PLEKHA5: variants seen among roughly 807,000 people sequenced by gnomAD.
PLEKHA5 encodes the protein pleckstrin homology domain-containing family A member 5.
In PLEKHA5, 55 loss-of-function variants were observed where a neutral mutation model predicts 181.9. The ratio of observed to expected loss-of-function variants is 0.30; its 90% CI spans 0.24 to 0.38. The LOEUF (loss-of-function observed/expected upper bound fraction) is 0.38. PLEKHA5 is among the 10% of genes least tolerant of loss of function. The pLI, the probability that PLEKHA5 is intolerant of heterozygous loss-of-function variation, is 1.00. For missense variants in PLEKHA5, 1,432 were observed against 1,549.5 expected (o/e 0.92, Z 1.27); for synonymous variants, 535 against 529.4 (o/e 1.01, Z -0.15).
Position 19,376,118 on chromosome 12 carries a change from TA to T in PLEKHA5, c.*602del, listed in dbSNP as rs1308707181. ...AGTTACTGCCACACTCCTGTCAGCT[TA>T]AACACAAATGTTACTGCTTATCTTT... On this transcript the variant is annotated 3_prime_UTR_variant, in exon 32 of 32. Transcript: ENST00000429027. 2 of 151,934 alleles carry T rather than the reference TA, an allele frequency of 1.3e-5. No homozygotes were observed. Among genetic ancestry groups the T allele is most frequent in the East Asian group, 3.9e-4 (2 of 5,160 alleles). 9.4% of individuals were successfully genotyped at this position (151,934 alleles called of 1,614,324 possible). A position where few individuals can be genotyped will look rare whatever the true frequency, so the allele number is the denominator to read the frequency against.
intron 29 of PLEKHA5, among the ~76,000 whole-genome samples, chr12:19,362,033 G>A (rs369271062): frequency 1.4e-3 from 212 of 151,816 alleles, no homozygotes; most frequent in Middle Eastern, 3.4e-3. Context: ...AGGCATGGTG[G>A]CATGTGCCTG....
intron 3 of PLEKHA5, chr12:19,150,183 T>G (rs961857458): frequency 1.3e-5 from 2 of 152,348 alleles, no homozygotes; most frequent in Admixed American, 6.5e-5. Context: ...ATGACCCTCT[T>G]TATTAAAACT....
chr12:19,336,625 GTAT>G lies in PLEKHA5; in HGVS notation c.2550+10_2550+12del. 1 of 1,461,056 alleles carries G rather than the reference GTAT, an allele frequency of 6.8e-7. No homozygotes were observed. The highest frequency in any genetic ancestry group is 9.6e-7 in the Non-Finnish European group (1 of 1,043,756). The allele number at this position is 1,461,056 out of a possible 1,614,324, so 90.5% of individuals were successfully genotyped here. On this transcript the variant is annotated intron_variant, in intron 21 of 31. Transcript: ENST00000429027. ...ACCTTGGTGAAGTTCAGGTACAAAA[GTAT>G]AATATTCTTTATATTGTTTTAACTG... is the stretch of plus-strand genomic sequence containing the variant.
chr12:19,342,792 T>A (rs1029807216), intron 21 of PLEKHA5, among the ~76,000 whole-genome samples: 11 of 151,918 alleles, frequency 7.2e-5, no homozygotes, highest in African/African-American at 1.7e-4. Flanking sequence ...AAAATAAAAA[T>A]AAAAAAATAC....
At chr12:19,337,080 C>T (rs571899701) in intron 21 of PLEKHA5, among the ~76,000 whole-genome samples, 171 of 149,828 alleles carry the variant, frequency 1.1e-3, no homozygotes, top group Non-Finnish European at 2.3e-3. Flanking sequence ...CTCTGCCTCC[C>T]GGGTTCAAGC....
chr12:19,230,091 A>G (rs1044804886), intron 3 of PLEKHA5, among the ~76,000 whole-genome samples: 10 of 152,256 alleles, frequency 6.6e-5, no homozygotes, highest in South Asian at 2.1e-4. Flanking sequence ...TTAGCTAGAC[A>G]CAGAGTGCTG....
At chr12:19,173,005 C>CTTTCTTTTTTTT (rs2046302396) in intron 3 of PLEKHA5, among the ~76,000 whole-genome samples, 1 of 33,544 alleles carries the variant, frequency 3.0e-5, no homozygotes, top group Non-Finnish European at 5.2e-5. Context: ...ATTTCCCTTT[C>CTTTCTTTTTTTT]TTTTTTTTTT....
intron 12 of PLEKHA5, among the ~76,000 whole-genome samples, chr12:19,285,399 T>A (rs867163488): frequency 6.6e-6 from 1 of 152,336 alleles, no homozygotes; most frequent in Middle Eastern, 3.4e-3. Context: ...CTGCTACTGC[T>A]ACTCCCAAAA....
chr12:19,340,470 G>A (rs2093801729), intron 21 of PLEKHA5, among the ~76,000 whole-genome samples: 1 of 138,114 alleles, frequency 7.2e-6, no homozygotes. Flanking sequence ...AGCTCATTGA[G>A]AACGGGCCAT....
chr12:19,334,829 A>AAAAAAAAAAATATATATATATATATATAT, intron 20 of PLEKHA5, among the ~76,000 whole-genome samples: 1 of 18,604 alleles, frequency 5.4e-5, no homozygotes. Context: ...AAAAAAAAAA[A>AAAAAAAAAAATATATATATATATATATAT]ATATATATAT....
At chr12:19,337,345 G>A (rs530613247) in intron 21 of PLEKHA5, among the ~76,000 whole-genome samples, 4 of 152,066 alleles carry the variant, frequency 2.6e-5, no homozygotes, top group South Asian at 4.2e-4. Context: ...CTGAGGTCAG[G>A]AGTTTGAGAC....
Position 19,224,706 on chromosome 12 carries a change from A to G in PLEKHA5, c.228-29234A>G, listed in dbSNP as rs550737673. 9.2e-5 allele frequency among the ~76,000 whole-genome samples: 14 copies of G among 152,372 alleles called. No homozygotes were observed. In the East Asian group the frequency reaches 2.5e-3, roughly 27 times the overall value. On this transcript the variant is annotated intron_variant, in intron 3 of 31. Coordinates refer to ENST00000429027, the MANE Select transcript of PLEKHA5 (RefSeq NM_001256470.2). ...TCTGCTTAAAGCATTTTCAATGACC[A>G]TCATTCAGTGTTCTAATGAAATAAA...
chr12:19,360,265 A>T (rs1209032948), intron 28 of PLEKHA5, among the ~76,000 whole-genome samples: 5 of 151,428 alleles, frequency 3.3e-5, no homozygotes, highest in African/African-American at 9.7e-5. Flanking sequence ...CCCAAGTCGC[A>T]GTGAGTAGAG....
chr12:19,295,552 A>G (rs1565579633), intron 15 of PLEKHA5, among the ~76,000 whole-genome samples: 1 of 152,112 alleles, frequency 6.6e-6, no homozygotes, highest in African/African-American at 2.4e-5. Flanking sequence ...GGAAAAAGAA[A>G]ATTTTGAAAA....
chr12:19,352,941 C>A (rs1381110953), intron 25 of PLEKHA5, among the ~76,000 whole-genome samples: 1 of 149,280 alleles, frequency 6.7e-6, no homozygotes, highest in Non-Finnish European at 1.5e-5. Context: ...CACCACCACA[C>A]CCAGCTTTTT....
At chr12:19,176,819 T>A (rs552302806) in intron 3 of PLEKHA5, among the ~76,000 whole-genome samples, 1 of 152,286 alleles carries the variant, frequency 6.6e-6, no homozygotes, top group African/African-American at 2.4e-5. Context: ...GTATACACTG[T>A]GGAATGGCCA....
At position 19,348,469 on chromosome 12, in the gene PLEKHA5, G is replaced by A; in HGVS notation, c.2969G>A (p.Gly990Glu). 6.3e-7 allele frequency: 1 copy of A among 1,584,444 alleles called. No individual in the cohort carries two copies. Among genetic ancestry groups the A allele is most frequent in the Non-Finnish European group, 8.6e-7 (1 of 1,168,258 alleles). ...GTGGCAGAAGTTGATGAATCTAATG[G>A]AGAAGAAAAATCAGAACCTGTTTCA... ...TTVAEVDESN[G>E]EEKSEPVSEI... is the part of the protein sequence containing the mutation. The change falls in exon 25 of 32, where the codon GGA (glycine) becomes GAA (glutamate). Residue 990 changes from glycine (G) to glutamate (E), a missense_variant. Around this residue, in one of 2 missense-constraint regions of PLEKHA5, gnomAD observed 1,143 missense variants for 1,168.4 expected, o/e 0.98. Coordinates refer to ENST00000429027, the MANE Select transcript of PLEKHA5 (RefSeq NM_001256470.2).
chr12:19,279,708 TCTCCCCTA>T (rs1340408877), intron 11 of PLEKHA5, among the ~76,000 whole-genome samples: 1 of 151,740 alleles, frequency 6.6e-6, no homozygotes, highest in African/African-American at 2.4e-5. Flanking sequence ...CTTGGTCTTT[TCTCCCCTA>T]CTCCCCTACC....
intron 3 of PLEKHA5, among the ~76,000 whole-genome samples, chr12:19,197,946 G>C (rs2053332626): frequency 6.6e-6 from 1 of 151,890 alleles, no homozygotes; most frequent in Admixed American, 6.6e-5. Context: ...CCTCCAGTCT[G>C]TCATCAGTGA....
Sources: gnomAD v4.1 joint callset for allele counts (sites outside exome capture counted in the v4.1 genomes callset) on GRCh38, gnomAD v4.1.1 for gene constraint, gnomAD v4.1.1 regional missense constraint, MANE v1.5 for transcripts, NCBI Gene and HGNC (gene_info 2026-07-23, HGNC 2026-07-21) for gene names.